SGCZ: variants seen among roughly 807,000 people sequenced by gnomAD.
SGCZ encodes the protein zeta-sarcoglycan.
Under a neutral mutation model 41.3 loss-of-function variants are expected in SGCZ, and 40 were observed. The observed-to-expected ratio is 0.97, with a 90% CI of 0.75 to 1.26. SGCZ has a LOEUF of 1.26. Ranked by LOEUF, SGCZ falls within the 50% of genes most tolerant of loss-of-function variation. The probability of loss-of-function intolerance (pLI) is 0.00; values close to 1 mark genes in which losing one functional copy is unlikely to be tolerated. For missense variants in SGCZ, 552 were observed against 369.8 expected (o/e 1.49, Z -4.04); for synonymous variants, 206 against 137.5 (o/e 1.50, Z -3.49).
chr8:15,111,281 CAA>C (rs1371973072), intron 1 of SGCZ, among the ~76,000 whole-genome samples: 2 of 152,120 alleles, frequency 1.3e-5, no homozygotes, highest in African/African-American at 4.8e-5. Context: ...GGCTGGGTAA[CAA>C]AGGATCAGAG....
chr8:14,676,310 G>T (rs534921505), intron 1 of SGCZ, among the ~76,000 whole-genome samples: 29 of 144,292 alleles, frequency 2.0e-4, no homozygotes, highest in African/African-American at 6.9e-4. Flanking sequence ...AGCCTGAACA[G>T]CATAGAGAGA....
Position 14,343,035 on chromosome 8 carries a change from C to T in SGCZ, c.235-18831G>A, listed in dbSNP as rs550896059. Among the ~76,000 whole-genome samples the T allele has an allele frequency of 5.3e-5, 8 of 152,296 alleles. 1 individual carries two copies. Among genetic ancestry groups the T allele is most frequent in the African/African-American group, 1.9e-4 (8 of 41,590 alleles). ...GGCCAAGGTACAGCTTGGGCTGTGA[C>T]TTCAGAGGGTGGAAGCCCCAAGCCT... On this transcript the variant is annotated intron_variant, in intron 2 of 7. Coordinates refer to ENST00000382080, the MANE Select transcript of SGCZ (RefSeq NM_139167.4).
intron 1 of SGCZ, among the ~76,000 whole-genome samples, chr8:15,023,802 G>T (rs993001561): frequency 6.6e-6 from 1 of 152,170 alleles, no homozygotes; most frequent in Non-Finnish European, 1.5e-5. Flanking sequence ...CATTTGGCCT[G>T]TGAGCCTGCC....
intron 2 of SGCZ, among the ~76,000 whole-genome samples, chr8:14,366,109 C>T (rs569741403): frequency 7.9e-5 from 12 of 152,218 alleles, no homozygotes; most frequent in African/African-American, 2.9e-4. Flanking sequence ...CCACTAGAGT[C>T]TTCGAAATCA....
At position 15,145,511 on chromosome 8, in the gene SGCZ, C is replaced by T. The variant is rs367941575; in HGVS notation, c.39+92074G>A. On this transcript the variant is annotated intron_variant, in intron 1 of 7. Transcript: ENST00000382080. ...ACACAGTTTCTCACCTTGTCACCTA[C>T]GCTGAAGTGCAGTGGTGCCATCATA... is the stretch of plus-strand genomic sequence containing the variant. Among the ~76,000 whole-genome samples, 216 of 152,250 alleles carry T rather than the reference C, an allele frequency of 1.4e-3. 1 individual carries two copies. The highest frequency in any genetic ancestry group is 5.6e-3 in the East Asian group (29 of 5,164).
At chr8:14,857,916 A>T (rs761859397) in intron 1 of SGCZ, among the ~76,000 whole-genome samples, 1 of 152,088 alleles carries the variant, frequency 6.6e-6, no homozygotes, top group Non-Finnish European at 1.5e-5. Flanking sequence ...TTTTGGTTTC[A>T]CCCCATACTA....
chr8:14,367,664 A>G (rs893830671), intron 2 of SGCZ, among the ~76,000 whole-genome samples: 1 of 152,060 alleles, frequency 6.6e-6, no homozygotes, highest in African/African-American at 2.4e-5. Context: ...AGGAAAAACT[A>G]CCATTTATAA....
intron 1 of SGCZ, among the ~76,000 whole-genome samples, chr8:14,675,404 G>T (rs1299664458): frequency 6.6e-6 from 1 of 151,654 alleles, no homozygotes; most frequent in Non-Finnish European, 1.5e-5. Context: ...CATTTTAGAG[G>T]TATGTAATTC....
chr8:15,023,420 T>C (rs879790997), intron 1 of SGCZ, among the ~76,000 whole-genome samples: 1 of 152,116 alleles, frequency 6.6e-6, no homozygotes, highest in Non-Finnish European at 1.5e-5. Context: ...ACTCGCGCCT[T>C]CTCTCCCACA....
chr8:14,780,140 G>A (rs13272494), intron 1 of SGCZ, among the ~76,000 whole-genome samples: 1 of 152,048 alleles, frequency 6.6e-6, no homozygotes, highest in Non-Finnish European at 1.5e-5. Flanking sequence ...TTGGGAGGCA[G>A]AGGCCGGGCG....
At chr8:14,293,933 G>A (rs1190604092) in intron 3 of SGCZ, among the ~76,000 whole-genome samples, 2 of 151,552 alleles carry the variant, frequency 1.3e-5, no homozygotes, top group South Asian at 2.1e-4. Flanking sequence ...AATTTTAGTG[G>A]TATCAAGTCA....
intron 2 of SGCZ, among the ~76,000 whole-genome samples, chr8:14,395,754 A>T (rs1440594786): frequency 6.6e-6 from 1 of 152,204 alleles, no homozygotes; most frequent in Admixed American, 6.5e-5. Context: ...CAGATGGCAA[A>T]GGAGCTCAGA....
rs567377928 is a variant in SGCZ at position 15,235,837 on chromosome 8, C to A, written c.39+1748G>T. Reference sequence around the variant, plus strand: ...ACCAAAAAATAATCTGGATACTCCACCTCTGCATAAAACACAGATCACAAT... The same window carrying A: ...ACCAAAAAATAATCTGGATACTCCAACTCTGCATAAAACACAGATCACAAT... On this transcript the variant is annotated intron_variant, in intron 1 of 7. Transcript: ENST00000382080. 3.5e-4 allele frequency among the ~76,000 whole-genome samples: 53 copies of A among 152,316 alleles called. 1 individual carries two copies. In the South Asian group the frequency reaches 0.01, roughly 30 times the overall value.
At chr8:14,506,037 A>T (rs948216726) in intron 2 of SGCZ, among the ~76,000 whole-genome samples, 1 of 151,916 alleles carries the variant, frequency 6.6e-6, no homozygotes, top group African/African-American at 2.4e-5. Context: ...AATGAAAAGC[A>T]ATCTAAAACA....
chr8:15,099,008 A>G (rs1478622397), intron 1 of SGCZ, among the ~76,000 whole-genome samples: 1 of 152,108 alleles, frequency 6.6e-6, no homozygotes, highest in Admixed American at 6.5e-5. Context: ...TACTGAGCCG[A>G]GATCCCACCA....
intron 1 of SGCZ, among the ~76,000 whole-genome samples, chr8:14,641,159 T>C (rs1376250227): frequency 6.6e-6 from 1 of 151,644 alleles, no homozygotes; most frequent in East Asian, 1.9e-4. Context: ...CCCCAAATCA[T>C]ATCAAAATTG....
intron 1 of SGCZ, among the ~76,000 whole-genome samples, chr8:15,170,847 A>G (rs2117062336): frequency 6.6e-6 from 1 of 152,376 alleles, no homozygotes. Context: ...AAGAAGTAAG[A>G]AATTGTGAAA....
At chr8:14,795,104 C>T (rs1433395891) in intron 1 of SGCZ, among the ~76,000 whole-genome samples, 1 of 152,072 alleles carries the variant, frequency 6.6e-6, no homozygotes, top group Non-Finnish European at 1.5e-5. Flanking sequence ...GAAGACCCAA[C>T]ACAGAATAAA....
At chr8:14,256,481 A>C (rs1799469203) in intron 3 of SGCZ, among the ~76,000 whole-genome samples, 1 of 151,832 alleles carries the variant, frequency 6.6e-6, no homozygotes, top group African/African-American at 2.4e-5. Context: ...AACTTGCTTC[A>C]TGCTTAATAT....
Sources: allele counts gnomAD v4.1 joint callset (sites outside exome capture counted in the v4.1 genomes callset), GRCh38; gene constraint gnomAD v4.1.1; transcripts MANE v1.5; gene names NCBI Gene and HGNC (gene_info 2026-07-23, HGNC 2026-07-21).